RER1: variants seen among roughly 807,000 people sequenced by gnomAD.
RER1 encodes the protein protein RER1.
Under a neutral mutation model 28.3 loss-of-function variants are expected in RER1, and 6 were observed. That is an observed-to-expected ratio of 0.21 (90% CI 0.12 to 0.42). RER1 has a LOEUF of 0.42. RER1 is among the 10% of genes least tolerant of loss of function. The pLI is 1.00. For synonymous variants in RER1, 110 were observed against 95.9 expected (o/e 1.15, Z -0.86); for missense variants, 159 against 252.9 (o/e 0.63, Z 2.52).
intron 1 of RER1, chr1:2,394,696 G>A (rs1365142283): frequency 6.6e-6 from 1 of 152,154 alleles, no homozygotes; most frequent in East Asian, 1.9e-4. Flanking sequence ...TGCTCAGAGG[G>A]TTTGCTGAAG....
intron 2 of RER1, chr1:2,396,210 TC>T: frequency 3.3e-6 from 1 of 305,540 alleles, no homozygotes; most frequent in Non-Finnish European, 6.4e-6. Flanking sequence ...GCCACCCACG[TC>T]CCCGGTGCTG....
chr1:2,401,806 T>C, intron 5 of RER1: 1 of 505,122 alleles, frequency 2.0e-6, no homozygotes, highest in East Asian at 3.3e-5. Context: ...GTTGGCCATG[T>C]GCTGGGACGG....
chr1:2,401,005 T>C, intron 5 of RER1, 70 bp downstream of exon 5: 1 of 1,367,776 alleles, frequency 7.3e-7, no homozygotes, highest in Non-Finnish European at 1.0e-6. Flanking sequence ...ACTACACTGA[T>C]TTTTGTTCAA....
At chr1:2,402,894 G>T in intron 6 of RER1, 141 bp from the exon 7 acceptor site, 1 of 680,878 alleles carries the variant, frequency 1.5e-6, no homozygotes, top group Admixed American at 2.5e-5. Context: ...GTTGATGTGG[G>T]CGCAGGAAGC....
chr1:2,403,350 T>C lies in RER1; in HGVS notation c.*226T>C. The C allele has an allele frequency of 2.1e-6, 1 of 476,670 alleles. No individual in the cohort carries two copies. Among genetic ancestry groups the C allele is most frequent in the Admixed American group, 3.4e-5 (1 of 29,642 alleles). 29.5% of individuals were successfully genotyped at this position (476,670 alleles called of 1,614,324 possible). A position where few individuals can be genotyped will look rare whatever the true frequency, so the allele number is the denominator to read the frequency against. The stretch of plus-strand genomic sequence containing the variant: ...GTGACGTTCAAGTGTTTCTCACGGA[T>C]GGAATTCTAGTCAGCTGCAGGCGGG... On this transcript the variant is annotated 3_prime_UTR_variant, in exon 7 of 7. Transcript: ENST00000605895.
At position 2,395,773 on chromosome 1, in the gene RER1, T is replaced by C. The variant is rs750519334; in HGVS notation, c.-7-11T>C. 6.2e-7 allele frequency: 1 copy of C among 1,600,274 alleles called. No individual in the cohort carries two copies. The highest frequency in any genetic ancestry group is 8.6e-7 in the Non-Finnish European group (1 of 1,167,434). ...CTTTTTACTGAAAAGTATTTTGTGT[T>C]TTTCTCCCAGTTACAGAATGTCTGA... On this transcript the variant is annotated splice_polypyrimidine_tract_variant and intron_variant, in intron 1 of 6. Coordinates refer to ENST00000605895, the MANE Select transcript of RER1 (RefSeq NM_007033.5).
chr1:2,403,320 T>C lies in RER1; in HGVS notation c.*196T>C. The C allele has an allele frequency of 1.9e-6, 1 of 539,958 alleles. No homozygotes were observed. Among genetic ancestry groups the C allele is most frequent in the South Asian group, 2.0e-5 (1 of 49,168 alleles). 33.4% of individuals were successfully genotyped at this position (539,958 alleles called of 1,614,324 possible). On this transcript the variant is annotated 3_prime_UTR_variant, in exon 7 of 7. Coordinates refer to ENST00000605895, the MANE Select transcript of RER1 (RefSeq NM_007033.5). ...TTAAACCAAATCGCATGGATTTCTT[T>C]TTCAGTGACGTTCAAGTGTTTCTCA...
chr1:2,399,387 C>A, intron 3 of RER1, 28 bp from the exon 4 acceptor site: 1 of 1,463,438 alleles, frequency 6.8e-7, no homozygotes, highest in Non-Finnish European at 9.6e-7. Flanking sequence ...TCAGAGTGCA[C>A]CACTGACTCT....
intron 5 of RER1, chr1:2,401,871 A>C (rs1197368779): frequency 1.5e-6 from 1 of 687,520 alleles, no homozygotes; most frequent in Admixed American, 3.0e-5. Flanking sequence ...TGGATGGTCC[A>C]CAAGACACAG....
At position 2,403,536 on chromosome 1, in the gene RER1, G is replaced by A. The variant is rs1018060403; in HGVS notation, c.*412G>A. ...TGGTGCCAGCCACTCCACAGAGCCC[G>A]AGGGATGATCTAGCCTGATTCCTGC... On this transcript the variant is annotated 3_prime_UTR_variant, in exon 7 of 7. Transcript: ENST00000605895. The A allele has an allele frequency of 3.1e-4, 83 of 267,536 alleles. No homozygotes were observed. The highest frequency in any genetic ancestry group is 1.8e-3 in the African/African-American group (80 of 44,000). The allele number at this position is 267,536 out of a possible 1,614,324, so 16.6% of individuals were successfully genotyped here. A position where few individuals can be genotyped will look rare whatever the true frequency, so the allele number is the denominator to read the frequency against.
rs532842330 is a variant in RER1, at chr1:2,397,227, G to A, written c.186+7G>A. On this transcript the variant is annotated splice_region_variant and intron_variant, in intron 3 of 6. Transcript: ENST00000605895. ...TCGAGTTTACCTGCTGCAGGTAGGT[G>A]TGGGCTGAAGTGACGAGACTTGGCT... 1.9e-6 allele frequency: 3 copies of A among 1,584,294 alleles called. No individual in the cohort carries two copies. Among genetic ancestry groups the A allele is most frequent in the East Asian group, 2.2e-5 (1 of 44,716 alleles).
chr1:2,398,585 C>T (rs1011737075), intron 3 of RER1, among the ~76,000 whole-genome samples: 1 of 152,198 alleles, frequency 6.6e-6, no homozygotes. Context: ...GACGAGGTTT[C>T]ACCATGTTGG....
chr1:2,395,757 G>A, intron 1 of RER1, 27 bp from the exon 2 acceptor site: 1 of 1,525,934 alleles, frequency 6.6e-7, no homozygotes, highest in Non-Finnish European at 9.1e-7. Flanking sequence ...GCTTTTTACT[G>A]AAAAGTATTT....
chr1:2,394,377 C>G (rs1482974425), intron 1 of RER1: 1 of 152,236 alleles, frequency 6.6e-6, no homozygotes, highest in East Asian at 1.9e-4. Flanking sequence ...AGCCAAGGCA[C>G]TTGAGGGCGG....
intron 5 of RER1, among the ~76,000 whole-genome samples, chr1:2,401,227 C>CCCTCCCTCCCT (rs1553230131): frequency 1.3e-5 from 1 of 75,060 alleles, no homozygotes. Context: ...CCCTCCTCCT[C>CCCTCCCTCCCT]CCTTCCTCCC....
Position 2,405,137 on chromosome 1 carries a change from G to T in RER1, c.*2013G>T, listed in dbSNP as rs377439419. On this transcript the variant is annotated 3_prime_UTR_variant, in exon 7 of 7. Coordinates refer to ENST00000605895, the MANE Select transcript of RER1 (RefSeq NM_007033.5). The stretch of plus-strand genomic sequence containing the variant: ...TTCTAAAACTGGAAGCGACCTTGAC[G>T]TGTATTGAAGGTGTGTGTGCCAAAT... 4.0e-4 allele frequency: 66 copies of T among 165,652 alleles called. No individual in the cohort carries two copies. Among genetic ancestry groups the T allele is most frequent in the African/African-American group, 1.5e-3 (63 of 41,664 alleles). 10.3% of individuals were successfully genotyped at this position (165,652 alleles called of 1,614,324 possible).
intron 3 of RER1, among the ~76,000 whole-genome samples, chr1:2,397,756 CT>C (rs1329523124): frequency 6.6e-6 from 1 of 152,198 alleles, no homozygotes; most frequent in Non-Finnish European, 1.5e-5. Context: ...TCGGGCACCC[CT>C]AGGTCAGGTG....
At chr1:2,400,511 C>T (rs1292883152) in intron 4 of RER1, among the ~76,000 whole-genome samples, 1 of 152,238 alleles carries the variant, frequency 6.6e-6, no homozygotes, top group Non-Finnish European at 1.5e-5. Flanking sequence ...ATCCTCGGCC[C>T]CGCCCTGTTC....
Position 2,393,824 on chromosome 1 carries a change from T to G in RER1, c.-8+1866T>G, listed in dbSNP as rs1483985150. Among the ~76,000 whole-genome samples, 5 of 152,148 alleles carry G rather than the reference T, an allele frequency of 3.3e-5. No homozygotes were observed. In the East Asian group the frequency reaches 5.8e-4, roughly 18 times the overall value. On this transcript the variant is annotated intron_variant, in intron 1 of 6. Coordinates refer to ENST00000605895, the MANE Select transcript of RER1 (RefSeq NM_007033.5). ...AGCTGTGTTTGGTATACGTGTGTGT[T>G]TGGTATACGTGTTGTGTGTGTCAGA...
Sources: allele counts gnomAD v4.1 joint callset (sites outside exome capture counted in the v4.1 genomes callset), GRCh38; gene constraint gnomAD v4.1.1; transcripts MANE v1.5; gene names NCBI Gene and HGNC (gene_info 2026-07-23, HGNC 2026-07-21).